The following ATP13A4 variants were observed in gnomAD, a reference collection of about 807,000 sequenced individuals.
The protein encoded by ATP13A4 is ATPase 13A4, also known as probable cation-transporting ATPase 13A4.
ATP13A4 carries 114 observed loss-of-function variants against 142.5 expected under a neutral mutation model. That is an observed-to-expected ratio of 0.80 (90% CI 0.69 to 0.93). The LOEUF is 0.93. ATP13A4 is among the 40% of genes least tolerant of loss of function. The pLI is 0.00. For synonymous variants in ATP13A4, 488 were observed against 514.8 expected (o/e 0.95, Z 0.70); for missense variants, 1,392 against 1,454.0 (o/e 0.96, Z 0.69).
At chr3:193,459,683 C>T (rs1189911815) in intron 13 of ATP13A4, among the ~76,000 whole-genome samples, 3 of 152,178 alleles carry the variant, frequency 2.0e-5, no homozygotes, top group Admixed American at 1.3e-4. Context: ...AGCTAACCCA[C>T]CTGCGTCGGC....
intron 13 of ATP13A4, 91 bp from the exon 14 acceptor site, chr3:193,459,322 A>T: frequency 6.7e-7 from 1 of 1,481,730 alleles, no homozygotes; most frequent in South Asian, 1.2e-5. Flanking sequence ...ATAAAAAAAT[A>T]ATTTAATATG....
chr3:193,489,657 C>A (rs749870809), intron 7 of ATP13A4, 73 bp downstream of exon 7: 3 of 1,503,000 alleles, frequency 2.0e-6, no homozygotes, highest in Non-Finnish European at 2.8e-6. Flanking sequence ...TCCTGATTCT[C>A]CTTTCTAACA....
chr3:193,586,411 C>T (rs1724671165), intron 1 of ATP13A4, among the ~76,000 whole-genome samples: 1 of 152,078 alleles, frequency 6.6e-6, no homozygotes, highest in Admixed American at 6.6e-5. Context: ...TTGCCTATTC[C>T]TCTTTGCAAA....
chr3:193,429,749 C>T (rs1454642585), intron 25 of ATP13A4, among the ~76,000 whole-genome samples: 1 of 150,996 alleles, frequency 6.6e-6, no homozygotes, highest in African/African-American at 2.4e-5. Context: ...AAATTATACA[C>T]AGAAAAAAAT....
intron 9 of ATP13A4, 124 bp from the exon 10 acceptor site, chr3:193,467,610 C>A: frequency 1.1e-6 from 1 of 945,006 alleles, no homozygotes; most frequent in South Asian, 1.3e-5. Context: ...AGAGACAACC[C>A]TAGGTATTGG....
At chr3:193,460,172 C>T (rs1422096884) in intron 13 of ATP13A4, among the ~76,000 whole-genome samples, 2 of 152,176 alleles carry the variant, frequency 1.3e-5, no homozygotes, top group Non-Finnish European at 2.9e-5. Flanking sequence ...GTCCCCTTCA[C>T]CCTCTCTCCC....
intron 2 of ATP13A4, among the ~76,000 whole-genome samples, chr3:193,576,838 G>A (rs897864824): frequency 6.6e-6 from 1 of 152,146 alleles, no homozygotes; most frequent in Non-Finnish European, 1.5e-5. Context: ...TGAAGATATC[G>A]GTGCCTCCAC....
At chr3:193,424,291 A>C (rs1205132449) in intron 25 of ATP13A4, among the ~76,000 whole-genome samples, 2 of 141,344 alleles carry the variant, frequency 1.4e-5, no homozygotes, top group East Asian at 4.4e-4. Flanking sequence ...AATCTCTATC[A>C]AAACACCAAA....
intron 2 of ATP13A4, among the ~76,000 whole-genome samples, chr3:193,573,280 T>C (rs1724314384): frequency 6.0e-5 from 6 of 100,426 alleles, no homozygotes; most frequent in African/African-American, 2.4e-4. Context: ...TATATACATA[T>C]ATATATATAC....
rs79751978 is a variant in ATP13A4, at chr3:193,549,149, C to T, written c.60+5591G>A. Among the ~76,000 whole-genome samples, 897 of 152,230 alleles carry T rather than the reference C, an allele frequency of 5.9e-3. 5 individuals carry two copies. The highest frequency in any genetic ancestry group is 8.1e-3 in the Non-Finnish European group (554 of 68,022). ...CTAATCCGAGTATACATTGGTACAA[C>T]TATAACTTCTGAAGGGTAATTTGGC... On this transcript the variant is annotated intron_variant, in intron 1 of 29. Coordinates refer to ENST00000342695, the MANE Select transcript of ATP13A4 (RefSeq NM_032279.4).
rs575411418 is a variant in ATP13A4, at chr3:193,496,124, C to T, written c.382-2964G>A. On this transcript the variant is annotated intron_variant, in intron 3 of 29. Coordinates refer to ENST00000342695, the MANE Select transcript of ATP13A4 (RefSeq NM_032279.4). Reference sequence around the variant, plus strand: ...ATTCTCATGGATTGAAAGAACTAATCTTATTAACAATGCCCATGCTATCAA... The same window carrying T: ...ATTCTCATGGATTGAAAGAACTAATTTTATTAACAATGCCCATGCTATCAA... 5.3e-5 allele frequency among the ~76,000 whole-genome samples: 8 copies of T among 152,180 alleles called. No individual in the cohort carries two copies. In the South Asian group the frequency reaches 1.7e-3, roughly 32 times the overall value.
intron 5 of ATP13A4, among the ~76,000 whole-genome samples, chr3:193,492,035 C>T (rs895127741): frequency 6.6e-6 from 1 of 152,090 alleles, no homozygotes; most frequent in Non-Finnish European, 1.5e-5. Flanking sequence ...TCTTCCACCT[C>T]GATGCTCAGA....
At chr3:193,431,603 ATG>A (rs139137306) in intron 25 of ATP13A4, among the ~76,000 whole-genome samples, 6,153 of 146,716 alleles carry the variant, frequency 0.042, 354 homozygotes, top group African/African-American at 0.13. Flanking sequence ...CTATATATGC[ATG>A]TGTGTGTGTG....
At chr3:193,521,565 G>A (rs1721717322) in intron 1 of ATP13A4, among the ~76,000 whole-genome samples, 1 of 152,126 alleles carries the variant, frequency 6.6e-6, no homozygotes, top group Non-Finnish European at 1.5e-5. Context: ...ACTTTGGTTG[G>A]GACTTCGGGA....
intron 1 of ATP13A4, among the ~76,000 whole-genome samples, chr3:193,552,602 A>G (rs1227177771): frequency 6.6e-6 from 1 of 152,208 alleles, no homozygotes; most frequent in African/African-American, 2.4e-5. Context: ...AGAAGACTGG[A>G]TGTTGATGTT....
At chr3:193,557,362 G>A (rs79919022), upstream of ATP13A4, among the ~76,000 whole-genome samples, 451 of 152,246 alleles carry the variant, frequency 3.0e-3, 4 homozygotes, top group East Asian at 0.018. Flanking sequence ...CACTGCTTAT[G>A]GACAGCACTC....
chr3:193,498,128 C>T (rs185485869), intron 3 of ATP13A4, among the ~76,000 whole-genome samples: 48 of 151,950 alleles, frequency 3.2e-4, no homozygotes, highest in South Asian at 4.2e-4. Flanking sequence ...TGCAAATATA[C>T]GAATTTGATT....
intron 18 of ATP13A4, among the ~76,000 whole-genome samples, chr3:193,447,425 G>A (rs1717020145): frequency 6.6e-6 from 1 of 152,114 alleles, no homozygotes; most frequent in Non-Finnish European, 1.5e-5. Flanking sequence ...AGGTGAAATG[G>A]GAACAGAAAA....
intron 13 of ATP13A4, among the ~76,000 whole-genome samples, chr3:193,461,528 A>T (rs927872867): frequency 6.6e-5 from 10 of 152,358 alleles, no homozygotes; most frequent in Middle Eastern, 3.4e-3. Context: ...TCTGTACACT[A>T]AAGTGGTTAG....
Sources: gnomAD v4.1 joint callset for allele counts (sites outside exome capture counted in the v4.1 genomes callset) on GRCh38, gnomAD v4.1.1 for gene constraint, MANE v1.5 for transcripts, NCBI Gene and HGNC (gene_info 2026-07-23, HGNC 2026-07-21) for gene names.